Variants in DYM observed in about 807,000 individuals in gnomAD.
DYM encodes dymeclin, also known as dyggve-Melchior-Clausen syndrome protein.
In DYM, 78 loss-of-function variants were observed where a neutral mutation model predicts 93.1. The ratio of observed to expected loss-of-function variants is 0.84; its 90% CI spans 0.70 to 1.01. The LOEUF (loss-of-function observed/expected upper bound fraction) is 1.01, where lower values mean the gene tolerates loss of function less well. Ranked by LOEUF, DYM falls within the 50% of genes least tolerant of loss-of-function variation. The pLI is 0.00. For synonymous variants in DYM, 321 were observed against 319.7 expected (o/e 1.00, Z -0.04); for missense variants, 789 against 845.0 (o/e 0.93, Z 0.82).
At chr18:49,321,385 C>CAAGAAAA (rs1799807519) in intron 8 of DYM, 2 of 398,082 alleles carry the variant, frequency 5.0e-6, no homozygotes, top group Non-Finnish European at 8.9e-6. Context: ...AATCTGTTAA[C>CAAGAAAA]AAGAAAATGA....
intron 13 of DYM, among the ~76,000 whole-genome samples, chr18:49,220,376 A>G (rs368907263): frequency 4.7e-5 from 7 of 149,124 alleles, no homozygotes; most frequent in Non-Finnish European, 8.9e-5. Flanking sequence ...GCTACCAATG[A>G]CTTTCTTCAC....
intron 14 of DYM, among the ~76,000 whole-genome samples, chr18:49,198,065 G>A (rs2091641353): frequency 6.6e-6 from 1 of 152,130 alleles, no homozygotes; most frequent in African/African-American, 2.4e-5. Context: ...AGAGCCCTCA[G>A]AAATAGTGCC....
intron 17 of DYM, among the ~76,000 whole-genome samples, chr18:49,091,902 T>TGC (rs1242608235): frequency 6.6e-6 from 1 of 152,074 alleles, no homozygotes; most frequent in Admixed American, 6.6e-5. Context: ...TGTGAGCCAC[T>TGC]GCGCCCAGCC....
chr18:49,417,300 C>G (rs1373389990), intron 2 of DYM, among the ~76,000 whole-genome samples: 1 of 151,906 alleles, frequency 6.6e-6, no homozygotes, highest in African/African-American at 2.4e-5. Flanking sequence ...AAGCATAAGC[C>G]ACCGAGCTCA....
Position 49,113,026 on chromosome 18 carries a change from T to A in DYM, c.1911+5718A>T, listed in dbSNP as rs554112190. On this transcript the variant is annotated intron_variant, in intron 16 of 17. Transcript: ENST00000675505. The stretch of plus-strand genomic sequence containing the variant: ...TTTTCCTTAAGCAACTGGGTAGATA[T>A]TGATGTCATATATTGGGATAAGAAA... Among the ~76,000 whole-genome samples, 5 of 152,288 alleles carry A rather than the reference T, an allele frequency of 3.3e-5. No individual in the cohort carries two copies. In the East Asian group the frequency reaches 9.6e-4, roughly 29 times the overall value.
chr18:49,082,583 T>G (rs903837147), intron 17 of DYM, among the ~76,000 whole-genome samples: 4 of 152,192 alleles, frequency 2.6e-5, no homozygotes, highest in African/African-American at 7.2e-5. Context: ...GAAATGAGAT[T>G]AAAGTATACA....
intron 13 of DYM, among the ~76,000 whole-genome samples, chr18:49,249,818 C>T (rs2094248322): frequency 6.6e-6 from 1 of 152,200 alleles, no homozygotes; most frequent in Admixed American, 6.5e-5. Flanking sequence ...CTCCTGATGG[C>T]TGTGAGAAAA....
chr18:49,219,646 A>G (rs1384985668), intron 13 of DYM, among the ~76,000 whole-genome samples: 3 of 152,168 alleles, frequency 2.0e-5, no homozygotes, highest in Non-Finnish European at 4.4e-5. Context: ...ACAGAGCCAA[A>G]GACAAAAACC....
chr18:49,298,510 G>A (rs930235585), intron 8 of DYM, among the ~76,000 whole-genome samples: 56 of 151,588 alleles, frequency 3.7e-4, no homozygotes, highest in African/African-American at 1.3e-3. Context: ...GAACCTGGGA[G>A]GCAAAGGTTG....
At chr18:49,437,345 A>G (rs9963156) in intron 1 of DYM, among the ~76,000 whole-genome samples, 3,651 of 152,286 alleles carry the variant, frequency 0.024, 140 homozygotes, top group African/African-American at 0.082. Flanking sequence ...ATATATCCAT[A>G]TATGAAGCAC....
Position 49,366,293 on chromosome 18 carries a change from A to G in DYM, c.422-3060T>C, listed in dbSNP as rs555237745. 7.9e-5 allele frequency among the ~76,000 whole-genome samples: 12 copies of G among 152,346 alleles called. No homozygotes were observed. In the South Asian group the frequency reaches 2.5e-3, roughly 32 times the overall value. ...TCTTCCTTAGTTCCAAAAAATAAAT[A>G]TAAACTCACCTACAAAAAGTATAGT... On this transcript the variant is annotated intron_variant, in intron 5 of 17. Transcript: ENST00000675505.
At chr18:49,390,716 A>T (rs1205700099) in intron 3 of DYM, 1 of 152,218 alleles carries the variant, frequency 6.6e-6, no homozygotes, top group Admixed American at 6.5e-5. Flanking sequence ...CATCTTGGCC[A>T]AGCTGGTCTT....
chr18:49,197,804 C>T (rs1046675078), intron 14 of DYM, among the ~76,000 whole-genome samples: 1 of 152,150 alleles, frequency 6.6e-6, no homozygotes, highest in Non-Finnish European at 1.5e-5. Context: ...GGCCATACTG[C>T]CCAAGGTAAT....
chr18:49,392,921 G>A (rs1325425724), intron 2 of DYM, among the ~76,000 whole-genome samples: 2 of 150,340 alleles, frequency 1.3e-5, no homozygotes, highest in African/African-American at 4.9e-5. Flanking sequence ...CTTGAACCCA[G>A]GAGGCAGAGG....
chr18:49,324,738 T>TTTTC (rs1298047903), intron 8 of DYM, among the ~76,000 whole-genome samples: 6 of 152,218 alleles, frequency 3.9e-5, no homozygotes, highest in Non-Finnish European at 8.8e-5. Flanking sequence ...ATTAAATTTA[T>TTTTC]TTTCTTTCTT....
chr18:49,291,266 G>T (rs2060094153), intron 8 of DYM, among the ~76,000 whole-genome samples: 1 of 152,114 alleles, frequency 6.6e-6, no homozygotes, highest in Admixed American at 6.6e-5. Context: ...ACTAACACAG[G>T]CAGATACTTT....
In DYM at chr18:49,389,304, G is replaced by A. The variant is rs2068951332; in HGVS notation, c.193+2289C>T. ...AAGTGAAAAACACAGATTAAAATGTGTGTGTGTGTCTGTGTGTGTGTGTGT... is the reference window on the plus strand; with the variant it reads ...AAGTGAAAAACACAGATTAAAATGTATGTGTGTGTCTGTGTGTGTGTGTGT... On this transcript the variant is annotated intron_variant, in intron 3 of 17. Transcript: ENST00000675505. 2.0e-5 allele frequency among the ~76,000 whole-genome samples: 3 copies of A among 151,970 alleles called. No homozygotes were observed. In the South Asian group the frequency reaches 6.2e-4, roughly 32 times the overall value.
At chr18:49,270,219 T>C (rs998329115) in intron 11 of DYM, among the ~76,000 whole-genome samples, 2 of 152,172 alleles carry the variant, frequency 1.3e-5, no homozygotes, top group African/African-American at 4.8e-5. Flanking sequence ...AATTGTTAAG[T>C]AGTGCATGGT....
chr18:49,404,065 T>C (rs2071167865), intron 2 of DYM, among the ~76,000 whole-genome samples: 1 of 152,102 alleles, frequency 6.6e-6, no homozygotes, highest in Non-Finnish European at 1.5e-5. Flanking sequence ...TGGAGTGCAA[T>C]GGCACAATCT....
Sources: gnomAD v4.1 joint callset for allele counts (sites outside exome capture counted in the v4.1 genomes callset) on GRCh38, gnomAD v4.1.1 for gene constraint, MANE v1.5 for transcripts, NCBI Gene and HGNC (gene_info 2026-07-23, HGNC 2026-07-21) for gene names.